HOMER1: variants seen among roughly 807,000 people sequenced by gnomAD.
HOMER1 encodes homer protein homolog 1.
Under a neutral mutation model 48.9 loss-of-function variants are expected in HOMER1, and 3 were observed. The ratio of observed to expected loss-of-function variants is 0.06; its 90% CI spans 0.03 to 0.16. The LOEUF (loss-of-function observed/expected upper bound fraction) is 0.16, where lower values mean the gene tolerates loss of function less well. Ranked by LOEUF, HOMER1 falls within the 10% of genes least tolerant of loss-of-function variation. The pLI, the probability that HOMER1 is intolerant of heterozygous loss-of-function variation, is 1.00. For missense variants in HOMER1, 247 were observed against 411.4 expected (o/e 0.60, Z 3.46); for synonymous variants, 134 against 146.4 (o/e 0.92, Z 0.61).
At chr5:79,409,424 G>A (rs1392306066) in intron 5 of HOMER1, among the ~76,000 whole-genome samples, 2 of 99,692 alleles carry the variant, frequency 2.0e-5, no homozygotes, top group South Asian at 3.5e-4. Flanking sequence ...AGGGCAAGAC[G>A]TCTCAAAAAA....
At chr5:79,451,430 A>C (rs1751024761) in intron 2 of HOMER1, among the ~76,000 whole-genome samples, 1 of 152,090 alleles carries the variant, frequency 6.6e-6, no homozygotes, top group African/African-American at 2.4e-5. Flanking sequence ...GTTTAGAATC[A>C]ATATTTATTA....
At chr5:79,460,431 C>T (rs539634991) in intron 1 of HOMER1, among the ~76,000 whole-genome samples, 1 of 152,308 alleles carries the variant, frequency 6.6e-6, no homozygotes, top group East Asian at 1.9e-4. Context: ...TTCTCATATA[C>T]ATGCACAAAA....
In HOMER1 at chr5:79,383,493, T is replaced by C. The variant is rs547013567; in HGVS notation, c.877-7296A>G. Among the ~76,000 whole-genome samples the C allele has an allele frequency of 4.6e-5, 7 of 151,974 alleles. No individual in the cohort carries two copies. The East Asian group carries it at 1.4e-3, about 29-fold the overall frequency. Reference sequence around the variant, plus strand: ...CTCTGCCTCCCGGGTTCAAGCGATTTTCCTGCCTCAGCCTCCTGAGTAGCT... The same window carrying C: ...CTCTGCCTCCCGGGTTCAAGCGATTCTCCTGCCTCAGCCTCCTGAGTAGCT... On this transcript the variant is annotated intron_variant, in intron 8 of 8. Coordinates refer to ENST00000334082, the MANE Select transcript of HOMER1 (RefSeq NM_004272.5).
chr5:79,377,880 A>C (rs1748815664), intron 8 of HOMER1, among the ~76,000 whole-genome samples: 2 of 152,218 alleles, frequency 1.3e-5, no homozygotes, highest in Admixed American at 1.3e-4. Context: ...AAGTTGGATA[A>C]AGAATGAAAA....
At chr5:79,446,102 C>T (rs1750871827) in intron 4 of HOMER1, among the ~76,000 whole-genome samples, 1 of 152,262 alleles carries the variant, frequency 6.6e-6, no homozygotes, top group Admixed American at 6.5e-5. Context: ...ACAGCAAGAG[C>T]CCAGTCCAGA....
intron 8 of HOMER1, among the ~76,000 whole-genome samples, chr5:79,383,478 C>T (rs750635378): frequency 5.3e-5 from 8 of 151,794 alleles, no homozygotes; most frequent in African/African-American, 9.7e-5. Context: ...CTCTGCCTCC[C>T]GGGTTCAAGC....
chr5:79,396,984 T>C (rs1489603402), intron 7 of HOMER1, 81 bp from the exon 8 acceptor site: 13 of 728,794 alleles, frequency 1.8e-5, no homozygotes, highest in Non-Finnish European at 2.3e-6. Flanking sequence ...AAATTATTGT[T>C]CTAGTTCTTA....
At chr5:79,469,894 T>C (rs1751572646) in intron 1 of HOMER1, among the ~76,000 whole-genome samples, 1 of 152,202 alleles carries the variant, frequency 6.6e-6, no homozygotes, top group Non-Finnish European at 1.5e-5. Context: ...ATAATCCCTG[T>C]AGTGATGTGG....
intron 1 of HOMER1, among the ~76,000 whole-genome samples, chr5:79,489,359 T>G (rs1030963869): frequency 1.3e-5 from 2 of 152,280 alleles, no homozygotes; most frequent in African/African-American, 4.8e-5. Flanking sequence ...GGCTAGGCTC[T>G]ACCATCAGCT....
At chr5:79,469,614 T>C (rs1751565651) in intron 1 of HOMER1, among the ~76,000 whole-genome samples, 1 of 152,180 alleles carries the variant, frequency 6.6e-6, no homozygotes, top group Admixed American at 6.5e-5. Flanking sequence ...ATTTTATTTT[T>C]ATCTGTTGAA....
chr5:79,422,070 T>C (rs1205690350), intron 5 of HOMER1, among the ~76,000 whole-genome samples: 1 of 151,798 alleles, frequency 6.6e-6, no homozygotes, highest in African/African-American at 2.4e-5. Flanking sequence ...CTAAGAAACA[T>C]ACAAAAATTA....
At chr5:79,453,783 T>C (rs1400162322) in intron 2 of HOMER1, among the ~76,000 whole-genome samples, 1 of 151,880 alleles carries the variant, frequency 6.6e-6, no homozygotes, top group African/African-American at 2.4e-5. Context: ...TGAGAACGAG[T>C]GCACATTTTC....
chr5:79,497,800 A>G (rs1000819838), intron 1 of HOMER1, among the ~76,000 whole-genome samples: 1 of 152,170 alleles, frequency 6.6e-6, no homozygotes, highest in African/African-American at 2.4e-5. Flanking sequence ...TTGAATGGAC[A>G]AAAGTTTCTC....
intron 1 of HOMER1, among the ~76,000 whole-genome samples, chr5:79,481,311 C>A (rs967196651): frequency 2.0e-5 from 3 of 152,108 alleles, no homozygotes; most frequent in African/African-American, 7.2e-5. Context: ...AAACACTAGA[C>A]AAAATATAAG....
At chr5:79,506,504 A>G (rs1752771874) in intron 1 of HOMER1, among the ~76,000 whole-genome samples, 1 of 152,216 alleles carries the variant, frequency 6.6e-6, no homozygotes, top group Admixed American at 6.5e-5. Context: ...TTTAACAGAG[A>G]GTCATTATGG....
At chr5:79,398,500 T>C (rs1481005835) in intron 6 of HOMER1, among the ~76,000 whole-genome samples, 1 of 152,170 alleles carries the variant, frequency 6.6e-6, no homozygotes, top group Non-Finnish European at 1.5e-5. Flanking sequence ...CTCTCTCTTA[T>C]ATAATTTTCT....
At chr5:79,399,310 TAGTCTTATTTCTCTG>T (rs1749474505) in intron 6 of HOMER1, among the ~76,000 whole-genome samples, 1 of 152,172 alleles carries the variant, frequency 6.6e-6, no homozygotes, top group African/African-American at 2.4e-5. Context: ...CAGAAATCCA[TAGTCTTATTTCTCTG>T]AGAAGCCTGA....
At chr5:79,396,678 C>G in intron 8 of HOMER1, 145 bp downstream of exon 8, 1 of 454,156 alleles carries the variant, frequency 2.2e-6, no homozygotes, top group Non-Finnish European at 3.9e-6. Context: ...TTTTAAAAAT[C>G]AAAGATTAGG....
At chr5:79,378,221 TCA>T (rs1491121226) in intron 8 of HOMER1, among the ~76,000 whole-genome samples, 17 of 97,484 alleles carry the variant, frequency 1.7e-4, no homozygotes, top group African/African-American at 5.1e-4. Flanking sequence ...AGACTCTGTC[TCA>T]AAAAAAAAAA....
Sources: gnomAD v4.1 joint callset for allele counts (sites outside exome capture counted in the v4.1 genomes callset) on GRCh38, gnomAD v4.1.1 for gene constraint, MANE v1.5 for transcripts, NCBI Gene and HGNC (gene_info 2026-07-23, HGNC 2026-07-21) for gene names.